Variants in ACTL8 observed in about 807,000 individuals in gnomAD.
The protein encoded by ACTL8 is actin-like protein 8.
In ACTL8, 3 loss-of-function variants were observed where a neutral mutation model predicts 9.3. The ratio of observed to expected loss-of-function variants is 0.32; its 90% CI spans 0.15 to 0.83. ACTL8 has a LOEUF of 0.83. ACTL8 is among the 40% of genes least tolerant of loss of function. The probability of loss-of-function intolerance (pLI) is 0.57; values close to 1 mark genes in which losing one functional copy is unlikely to be tolerated. For synonymous variants in ACTL8, 224 were observed against 205.9 expected, an observed-to-expected ratio of 1.09 and a Z score of -0.75; for missense variants, 381 against 492.2, an observed-to-expected ratio of 0.77 and a Z score of 2.14.
chr1:17,824,789 G>A (rs1029231033), intron 2 of ACTL8, among the ~76,000 whole-genome samples: 1 of 152,168 alleles, frequency 6.6e-6, no homozygotes, highest in Non-Finnish European at 1.5e-5. Flanking sequence ...AAGTGAATAG[G>A]AAGTTCCTGG....
chr1:17,779,339 T>C (rs1273392942), intron 1 of ACTL8, among the ~76,000 whole-genome samples: 1 of 152,158 alleles, frequency 6.6e-6, no homozygotes, highest in Non-Finnish European at 1.5e-5. Flanking sequence ...TCAGAGGCCA[T>C]CCAAGACTGC....
rs1402644364 is a variant in ACTL8, at chr1:17,755,377, G to C, written c.-152G>C. On this transcript the variant is annotated 5_prime_UTR_variant, in exon 1 of 3. Coordinates refer to ENST00000375406, the MANE Select transcript of ACTL8 (RefSeq NM_030812.3). ...CACGTGCAGCCGCTCTCGTGCAGGC[G>C]TTTGCAGTGTGCAGCTGAGTTCGGC... The C allele has an allele frequency of 1.3e-5, 2 of 152,340 alleles. No homozygotes were observed. The highest frequency in any genetic ancestry group is 1.9e-4 in the East Asian group (1 of 5,172). The allele number at this position is 152,340 out of a possible 1,614,324, so 9.4% of individuals were successfully genotyped here.
At chr1:17,801,933 A>C (rs1029376688) in intron 1 of ACTL8, among the ~76,000 whole-genome samples, 22 of 152,198 alleles carry the variant, frequency 1.4e-4, no homozygotes, top group African/African-American at 5.3e-4. Flanking sequence ...GGGTATATGA[A>C]GGGTCATATG....
chr1:17,815,237 T>A (rs11588593), intron 1 of ACTL8, among the ~76,000 whole-genome samples: 11,868 of 152,286 alleles, frequency 0.078, 885 homozygotes, highest in East Asian at 0.24. Flanking sequence ...TATAATTTTT[T>A]AAATATTTAC....
At chr1:17,764,395 C>G (rs940442617) in intron 1 of ACTL8, among the ~76,000 whole-genome samples, 8 of 152,196 alleles carry the variant, frequency 5.3e-5, no homozygotes, top group African/African-American at 1.9e-4. Context: ...CCAGGGGGGA[C>G]TGGTCATAAA....
chr1:17,813,680 T>C (rs1251906487), intron 1 of ACTL8, among the ~76,000 whole-genome samples: 3 of 152,172 alleles, frequency 2.0e-5, no homozygotes, highest in East Asian at 1.9e-4. Context: ...CTGGGAGAGA[T>C]TGTGTACCGT....
Position 17,826,204 on chromosome 1 carries a change from G to A in ACTL8, c.786G>A (p.Pro262=), listed in dbSNP as rs754355183. 3.7e-6 allele frequency: 6 copies of A among 1,613,316 alleles called. No homozygotes were observed. Among genetic ancestry groups the A allele is most frequent in the South Asian group, 1.1e-5 (1 of 91,082 alleles). ...QRVAPEMFFS[P]QVFEQPGPSI... Reference sequence around the variant, plus strand: ...TGGCTCCTGAGATGTTCTTTAGCCCGCAGGTGTTCGAGCAGCCGGGGCCCA... The same window carrying A: ...TGGCTCCTGAGATGTTCTTTAGCCCACAGGTGTTCGAGCAGCCGGGGCCCA... Residue 262 remains proline, a synonymous_variant, in exon 3 of 3, where the codon CCG becomes CCA. Coordinates refer to ENST00000375406, the MANE Select transcript of ACTL8 (RefSeq NM_030812.3). This position sits in a 1 kb window ranked among gnomAD's most constrained non-coding sequence, Gnocchi z 4.5.
Position 17,762,983 on chromosome 1 carries a change from T to C in ACTL8, c.-25+7479T>C, listed in dbSNP as rs185022722. Among the ~76,000 whole-genome samples the C allele has an allele frequency of 3.7e-4, 57 of 152,260 alleles. No homozygotes were observed. In the East Asian group the frequency reaches 7.2e-3, roughly 19 times the overall value. On this transcript the variant is annotated intron_variant, in intron 1 of 2. Coordinates refer to ENST00000375406, the MANE Select transcript of ACTL8 (RefSeq NM_030812.3). Reference sequence around the variant, plus strand: ...CCAGGCCTCTGATTCCTCGTTCGCCTTTTGGGGCCAGGCTAGGAGAAGCGG... The same window carrying C: ...CCAGGCCTCTGATTCCTCGTTCGCCCTTTGGGGCCAGGCTAGGAGAAGCGG...
chr1:17,768,285 T>C (rs1253414000), intron 1 of ACTL8, among the ~76,000 whole-genome samples: 2 of 83,926 alleles, frequency 2.4e-5, no homozygotes, highest in African/African-American at 6.2e-5. Context: ...AGACTGGAAA[T>C]CCATGTACCC....
chr1:17,805,474 T>C (rs971434599), intron 1 of ACTL8, among the ~76,000 whole-genome samples: 22 of 147,732 alleles, frequency 1.5e-4, no homozygotes, highest in African/African-American at 5.5e-4. Context: ...CAACCTCTGC[T>C]GGGTTCAAGC....
At chr1:17,774,455 G>A (rs2066104428) in intron 1 of ACTL8, among the ~76,000 whole-genome samples, 2 of 152,098 alleles carry the variant, frequency 1.3e-5, no homozygotes, top group Admixed American at 6.5e-5. Context: ...CTGGGGGACT[G>A]GGGGTAGGGG....
At chr1:17,777,331 A>G (rs2066125231) in intron 1 of ACTL8, among the ~76,000 whole-genome samples, 2 of 152,120 alleles carry the variant, frequency 1.3e-5, no homozygotes, top group East Asian at 1.9e-4. Flanking sequence ...TCTACCAGCA[A>G]CTTCTCCTGG....
At chr1:17,766,131 G>T (rs530101297) in intron 1 of ACTL8, among the ~76,000 whole-genome samples, 1 of 152,298 alleles carries the variant, frequency 6.6e-6, no homozygotes, top group South Asian at 2.1e-4. Flanking sequence ...GTCTCCAAAG[G>T]CATCTGGGTG....
intron 1 of ACTL8, among the ~76,000 whole-genome samples, chr1:17,803,545 T>C (rs1472602749): frequency 6.6e-6 from 1 of 152,206 alleles, no homozygotes; most frequent in African/African-American, 2.4e-5. Flanking sequence ...TGGCCAGGCC[T>C]GTCTCAAACT....
intron 1 of ACTL8, among the ~76,000 whole-genome samples, chr1:17,779,547 T>C (rs2066140001): frequency 6.6e-6 from 1 of 152,228 alleles, no homozygotes; most frequent in Non-Finnish European, 1.5e-5. Flanking sequence ...TCCTGAAATC[T>C]TGGTGGCTTA....
intron 1 of ACTL8, among the ~76,000 whole-genome samples, chr1:17,805,389 T>C (rs1239512142): frequency 2.8e-5 from 4 of 141,234 alleles, no homozygotes; most frequent in Non-Finnish European, 3.1e-5. Flanking sequence ...TTTTTTTTTT[T>C]TTTTTTTTTT....
Position 17,826,128 on chromosome 1 carries a change from C to A in ACTL8, c.710C>A (p.Thr237Asn). 6.2e-7 allele frequency: 1 copy of A among 1,610,992 alleles called. No homozygotes were observed. Among genetic ancestry groups the A allele is most frequent in the Non-Finnish European group, 8.5e-7 (1 of 1,179,056 alleles). Residue 237 changes from threonine to asparagine, a missense_variant, in exon 3 of 3, where the codon ACC (threonine) becomes AAC (asparagine). This residue lies in a region of ACTL8 where 243 missense variants were observed against 276.2 expected (regional missense o/e 0.88). Transcript: ENST00000375406. This position sits in a 1 kb window ranked among gnomAD's most constrained non-coding sequence, Gnocchi z 4.5. ...CAGAGTGCCTTGGATGAGAGCAACA[C>A]CTATCAGCTCCCAGACGGCTCCCGC... ...RQQSALDESN[T>N]YQLPDGSRVE... is the part of the protein sequence containing the mutation.
intron 1 of ACTL8, among the ~76,000 whole-genome samples, chr1:17,771,289 T>G (rs1018385752): frequency 3.3e-5 from 5 of 152,110 alleles, no homozygotes; most frequent in Non-Finnish European, 5.9e-5. Context: ...CAAAATAGTC[T>G]TCTTCTGATT....
intron 1 of ACTL8, among the ~76,000 whole-genome samples, chr1:17,812,475 G>C (rs2066399711): frequency 1.4e-5 from 2 of 147,872 alleles, no homozygotes. Flanking sequence ...TGTCATCCAG[G>C]GTGGAGTGCA....
Sources: allele counts gnomAD v4.1 joint callset (sites outside exome capture counted in the v4.1 genomes callset), GRCh38; gene constraint gnomAD v4.1.1; regional missense constraint gnomAD v4.1.1; non-coding constraint Gnocchi (gnomAD v3.1); transcripts MANE v1.5; gene names NCBI Gene and HGNC (gene_info 2026-07-23, HGNC 2026-07-21).